TOPAZ1: variants seen among roughly 807,000 people sequenced by gnomAD.
The protein encoded by TOPAZ1 is protein TOPAZ1.
A neutral mutation model predicts 172.2 loss-of-function variants in TOPAZ1; 66 were observed. The ratio of observed to expected loss-of-function variants is 0.38; its 90% CI spans 0.31 to 0.47. The LOEUF (loss-of-function observed/expected upper bound fraction) is 0.47. TOPAZ1 is among the 20% of genes least tolerant of loss of function. The pLI is 0.99. For synonymous variants in TOPAZ1, 681 were observed against 683.9 expected (o/e 1.00, Z 0.07); for missense variants, 1,822 against 1,972.4 (o/e 0.92, Z 1.44).
chr3:44,322,399 T>C (rs1221775756), intron 17 of TOPAZ1, among the ~76,000 whole-genome samples: 2 of 152,176 alleles, frequency 1.3e-5, no homozygotes, highest in Non-Finnish European at 2.9e-5. Flanking sequence ...ACAAACAGAA[T>C]TGAGAAATTA....
chr3:44,264,393 A>G (rs1423556958), intron 5 of TOPAZ1, among the ~76,000 whole-genome samples: 2 of 152,274 alleles, frequency 1.3e-5, no homozygotes, highest in South Asian at 2.1e-4. Context: ...ACTTTAGTCT[A>G]TTAAGTGTGC....
At position 44,244,078 on chromosome 3, in the gene TOPAZ1, A is replaced by T; in HGVS notation, c.1572A>T (p.Glu524Asp). The change falls in exon 2 of 20, where the codon GAA becomes GAT. Residue 524 changes from glutamate to aspartate, a missense_variant. Coordinates refer to ENST00000309765, the MANE Select transcript of TOPAZ1 (RefSeq NM_001145030.2). The stretch of plus-strand genomic sequence containing the variant: ...GTTACTTTCTTCGTGGGTCTCAGGA[A>T]AGTTGTAGGCAAGTTGATGTCCCTA... ...ESSYFLRGSQ[E>D]SCRQVDVPKH... The T allele has an allele frequency of 6.4e-7, 1 of 1,551,720 alleles. No homozygotes were observed. Among genetic ancestry groups the T allele is most frequent in the Non-Finnish European group, 8.7e-7 (1 of 1,146,964 alleles).
intron 15 of TOPAZ1, among the ~76,000 whole-genome samples, chr3:44,308,565 G>A (rs1036152946): frequency 2.6e-5 from 4 of 151,940 alleles, no homozygotes; most frequent in Admixed American, 2.0e-4. Context: ...CTTTGCTATT[G>A]TGAATAGTGC....
intron 12 of TOPAZ1, among the ~76,000 whole-genome samples, chr3:44,292,860 A>G (rs1370599013): frequency 6.6e-6 from 1 of 152,148 alleles, no homozygotes; most frequent in South Asian, 2.1e-4. Context: ...TAGTTGCCCT[A>G]TTGTGCTTTC....
intron 5 of TOPAZ1, among the ~76,000 whole-genome samples, 165 bp downstream of exon 5, chr3:44,262,648 G>T (rs1699787631): frequency 6.6e-6 from 1 of 152,082 alleles, no homozygotes. Context: ...GGTGTAAGGG[G>T]TATTGTAAAT....
intron 16 of TOPAZ1, among the ~76,000 whole-genome samples, chr3:44,314,915 C>T (rs1700434906): frequency 6.6e-6 from 1 of 152,200 alleles, no homozygotes; most frequent in African/African-American, 2.4e-5. Context: ...ATCACTCTCA[C>T]ATAGTGACGT....
intron 8 of TOPAZ1, among the ~76,000 whole-genome samples, chr3:44,274,348 G>A (rs909943191): frequency 5.3e-5 from 8 of 150,756 alleles, no homozygotes; most frequent in African/African-American, 1.5e-4. Context: ...TTGCAGTGAG[G>A]CGAGACTGAG....
intron 12 of TOPAZ1, among the ~76,000 whole-genome samples, chr3:44,296,349 A>G (rs768151969): frequency 1.3e-5 from 2 of 152,176 alleles, no homozygotes; most frequent in Non-Finnish European, 2.9e-5. Context: ...GCTGAAAACA[A>G]AAAGTAAATC....
chr3:44,297,684 G>T (rs1022622572), intron 12 of TOPAZ1, among the ~76,000 whole-genome samples: 2 of 151,730 alleles, frequency 1.3e-5, no homozygotes, highest in Non-Finnish European at 2.9e-5. Flanking sequence ...TGGAAGTGAA[G>T]AAATAAAACT....
At position 44,262,477 on chromosome 3, in the gene TOPAZ1, G is replaced by A. The variant is rs1285943731; in HGVS notation, c.3014G>A (p.Cys1005Tyr). The change falls in exon 5 of 20, where the codon TGC becomes TAC. Residue 1005 changes from cysteine (C) to tyrosine (Y), a missense_variant. Physicochemically the swap from Cys to Tyr is radical, Grantham distance 194 (BLOSUM62 -2). Coordinates refer to ENST00000309765, the MANE Select transcript of TOPAZ1 (RefSeq NM_001145030.2). Reference sequence around the variant, plus strand: ...GAAAAAGAAAATATTTATGAAGTTTGCAAAAGGTCTGTAACATAATTCTTA... The same window carrying A: ...GAAAAAGAAAATATTTATGAAGTTTACAAAAGGTCTGTAACATAATTCTTA... ...KEEKENIYEV[C>Y]KSKDSRNADF... 4.9e-6 allele frequency: 7 copies of A among 1,435,560 alleles called. No homozygotes were observed. Among genetic ancestry groups the A allele is most frequent in the African/African-American group, 1.4e-5 (1 of 70,398 alleles). 88.9% of individuals were successfully genotyped at this position (1,435,560 alleles called of 1,614,324 possible). A position where few individuals can be genotyped will look rare whatever the true frequency, so the allele number is the denominator to read the frequency against.
intron 12 of TOPAZ1, 67 bp downstream of exon 12, chr3:44,290,953 G>A (rs377134236): frequency 6.0e-6 from 6 of 999,842 alleles, no homozygotes; most frequent in Admixed American, 5.4e-5. Context: ...AAAAGCTGAA[G>A]GCAAAGCTCT....
chr3:44,279,410 A>G (rs1300617320), intron 8 of TOPAZ1, among the ~76,000 whole-genome samples: 1 of 152,122 alleles, frequency 6.6e-6, no homozygotes, highest in Non-Finnish European at 1.5e-5. Flanking sequence ...TGCTGAGAGT[A>G]GGGTGTTTAA....
Position 44,287,752 on chromosome 3 carries a change from T to C in TOPAZ1, c.3594T>C (p.Ser1198=), listed in dbSNP as rs1288149815. The C allele has an allele frequency of 2.7e-6, 4 of 1,466,298 alleles. No individual in the cohort carries two copies. Among genetic ancestry groups the C allele is most frequent in the Non-Finnish European group, 3.7e-6 (4 of 1,090,314 alleles). 90.8% of individuals were successfully genotyped at this position (1,466,298 alleles called of 1,614,324 possible). The change falls in exon 11 of 20, where the codon TCT becomes TCC. Residue 1198 remains serine, a synonymous_variant. Transcript: ENST00000309765. ...AATTTTTTTGTTTTATCCAGCCTTC[T>C]CTGAAAATATTACTAAACATATTTG... The part of the protein sequence containing the change: ...NLSIMVKMLP[S]LKILLNIFEY...
chr3:44,292,541 A>T (rs907651394), intron 12 of TOPAZ1, among the ~76,000 whole-genome samples: 2 of 114,776 alleles, frequency 1.7e-5, no homozygotes, highest in Non-Finnish European at 3.8e-5. Flanking sequence ...GGCTCAAGAG[A>T]ATAGCAGTAT....
intron 6 of TOPAZ1, 68 bp downstream of exon 6, chr3:44,267,204 C>A: frequency 2.3e-6 from 3 of 1,282,100 alleles, no homozygotes; most frequent in South Asian, 2.2e-5. Flanking sequence ...GATTTTTCTA[C>A]CAAAAACAAA....
intron 2 of TOPAZ1, among the ~76,000 whole-genome samples, chr3:44,249,073 A>G (rs1219071184): frequency 1.3e-5 from 2 of 152,230 alleles, no homozygotes; most frequent in Non-Finnish European, 2.9e-5. Flanking sequence ...AGCCTGTATC[A>G]TTGGAAATGA....
intron 12 of TOPAZ1, among the ~76,000 whole-genome samples, chr3:44,293,963 G>A (rs995021543): frequency 1.1e-4 from 16 of 152,168 alleles, no homozygotes; most frequent in African/African-American, 3.4e-4. Context: ...ATCCCCAGCC[G>A]GGTACAGTGG....
chr3:44,315,199 ACG>A (rs1700438013), intron 16 of TOPAZ1, among the ~76,000 whole-genome samples: 1 of 129,672 alleles, frequency 7.7e-6, no homozygotes. Context: ...TTTTGAAAGA[ACG>A]TGTGTGTGTG....
rs879782915 is a variant in TOPAZ1, at chr3:44,242,041, G to C, written c.-13G>C. On this transcript the variant is annotated 5_prime_UTR_variant, in exon 1 of 20. Coordinates refer to ENST00000309765, the MANE Select transcript of TOPAZ1 (RefSeq NM_001145030.2). ...TGGTGCAGAGGGGCCCCAGCGGGCC[G>C]GCCCCGGGGCACATGCGACGACCTC... 2 of 1,539,080 alleles carry C rather than the reference G, an allele frequency of 1.3e-6. No homozygotes were observed. The highest frequency in any genetic ancestry group is 1.7e-6 in the Non-Finnish European group (2 of 1,145,326).
Sources: allele counts gnomAD v4.1 joint callset (sites outside exome capture counted in the v4.1 genomes callset), GRCh38; gene constraint gnomAD v4.1.1; transcripts MANE v1.5; gene names NCBI Gene and HGNC (gene_info 2026-07-23, HGNC 2026-07-21).